Variants in SEL1L3 observed in about 807,000 individuals in gnomAD.
SEL1L3 encodes SEL1L family member 3.
Under a neutral mutation model 142.8 loss-of-function variants are expected in SEL1L3, and 76 were observed. The ratio of observed to expected loss-of-function variants is 0.53; its 90% CI spans 0.44 to 0.64. The LOEUF (loss-of-function observed/expected upper bound fraction) is 0.64. Among genes scored for constraint, SEL1L3 ranks in the 30% least tolerant of loss-of-function variants. SEL1L3 has a pLI of 0.00. For synonymous variants in SEL1L3, 504 were observed against 519.6 expected, an observed-to-expected ratio of 0.97 and a Z score of 0.41; for missense variants, 1,262 against 1,381.7, an observed-to-expected ratio of 0.91 and a Z score of 1.37.
At chr4:25,744,430 C>T (rs947507525), downstream of SEL1L3, among the ~76,000 whole-genome samples, 93 of 145,406 alleles carry the variant, frequency 6.4e-4, no homozygotes, top group African/African-American at 2.2e-3. Context: ...CTCAGCTCAC[C>T]GCAACCTCCA....
At chr4:25,853,967 C>T (rs533763885) in intron 1 of SEL1L3, among the ~76,000 whole-genome samples, 84 of 152,178 alleles carry the variant, frequency 5.5e-4, no homozygotes, top group Non-Finnish European at 7.9e-4. Flanking sequence ...CCACTGCCCC[C>T]GGCCTCTCTT....
chr4:25,847,634 C>A lies in SEL1L3; in HGVS notation c.393G>T (p.Arg131Ser), dbSNP rs1716618367. Residue 131 changes from arginine to serine, a missense_variant, in exon 2 of 24, where the codon AGG (arginine) becomes AGT (serine). This residue lies in a region of SEL1L3 where 689 missense variants were observed against 692.8 expected (regional missense o/e 0.99). Transcript: ENST00000399878. ...FRSSIPVYKK[R>S]WKNEKHLHTS... The stretch of plus-strand genomic sequence containing the variant: ...TGTGAAGATGTTTCTCATTCTTCCA[C>A]CTTTTTTTGTACACGGGAATGCTAC... 1 of 1,613,930 alleles carries A rather than the reference C, an allele frequency of 6.2e-7. No homozygotes were observed. Among genetic ancestry groups the A allele is most frequent in the Middle Eastern group, 1.6e-4 (1 of 6,062 alleles).
chr4:25,722,080 C>T, the SEL1L3 span, among the ~76,000 whole-genome samples: 1 of 152,070 alleles, frequency 6.6e-6, no homozygotes, highest in Non-Finnish European at 1.5e-5. Flanking sequence ...AAAAGTAAAA[C>T]TGAAGTGGTT....
chr4:25,855,709 C>T (rs189461748), intron 1 of SEL1L3, among the ~76,000 whole-genome samples: 22 of 151,926 alleles, frequency 1.4e-4, no homozygotes, highest in African/African-American at 5.1e-4. Context: ...TGCAGTGAGC[C>T]GAGATTGTGC....
the SEL1L3 span, among the ~76,000 whole-genome samples, chr4:25,738,548 T>C: frequency 6.6e-6 from 1 of 152,202 alleles, no homozygotes; most frequent in Non-Finnish European, 1.5e-5. Context: ...TGCAAAAGAT[T>C]ATATTGTGCA....
chr4:25,760,321 T>C (rs901344747), intron 20 of SEL1L3, among the ~76,000 whole-genome samples: 1 of 152,238 alleles, frequency 6.6e-6, no homozygotes, highest in Non-Finnish European at 1.5e-5. Context: ...CAGTCTACCA[T>C]TGATGGGCAT....
chr4:25,716,008 C>T, the SEL1L3 span, among the ~76,000 whole-genome samples: 2 of 152,034 alleles, frequency 1.3e-5, no homozygotes, highest in Admixed American at 6.6e-5. Flanking sequence ...TATGCATTAT[C>T]TTTCAAAAGA....
At chr4:25,726,083 C>T in the SEL1L3 span, among the ~76,000 whole-genome samples, 1 of 152,080 alleles carries the variant, frequency 6.6e-6, no homozygotes, top group South Asian at 2.1e-4. Context: ...AGATGGAGTC[C>T]CCCTGGTTTG....
rs41444052 is a variant in SEL1L3 at position 25,858,231 on chromosome 4, C to T, written c.162+4444G>A. On this transcript the variant is annotated intron_variant, in intron 1 of 23. Transcript: ENST00000399878. ...GCCAGAAGAAATAGAAGGCAAGAGG[C>T]CAACACCATGGCTTGGGAAATTTTA... 2.4e-4 allele frequency among the ~76,000 whole-genome samples: 37 copies of T among 152,330 alleles called. No individual in the cohort carries two copies. The East Asian group carries it at 6.2e-3, about 25-fold the overall frequency.
intron 23 of SEL1L3, 75 bp from the exon 24 acceptor site, chr4:25,748,639 C>T: frequency 6.7e-7 from 1 of 1,489,788 alleles, no homozygotes; most frequent in South Asian, 1.3e-5. Flanking sequence ...CACCTAGAGA[C>T]TCTGGCAAGC....
intron 9 of SEL1L3, among the ~76,000 whole-genome samples, chr4:25,809,880 A>G (rs1357019787): frequency 1.3e-5 from 2 of 152,138 alleles, no homozygotes; most frequent in Non-Finnish European, 2.9e-5. Flanking sequence ...TAACATCTCC[A>G]CTCTCTGCGT....
chr4:25,777,853 G>A, intron 16 of SEL1L3: 1 of 456,212 alleles, frequency 2.2e-6, no homozygotes, highest in Non-Finnish European at 4.4e-6. Flanking sequence ...CAGGGTATCA[G>A]TGTGAGGGTG....
the SEL1L3 span, among the ~76,000 whole-genome samples, chr4:25,726,784 TC>T: frequency 6.6e-6 from 1 of 151,298 alleles, no homozygotes; most frequent in Non-Finnish European, 1.5e-5. Context: ...TACTATTTTT[TC>T]GCCTACATTT....
chr4:25,788,270 G>A lies in SEL1L3; in HGVS notation c.2171C>T (p.Thr724Met), dbSNP rs774884640. 2.4e-5 allele frequency: 38 copies of A among 1,613,804 alleles called. No homozygotes were observed. The highest frequency in any genetic ancestry group is 3.0e-5 in the Non-Finnish European group (35 of 1,179,892). Residue 724 changes from threonine (T) to methionine (M), a missense_variant, in exon 13 of 24, where the codon ACG (threonine) becomes ATG (methionine). This residue lies in a region of SEL1L3 where 435 missense variants were observed against 559.2 expected (regional missense o/e 0.78). Transcript: ENST00000399878. The surrounding 1 kb of genome is among the most constrained non-coding windows in gnomAD (Gnocchi z 5.3). The part of the protein sequence containing the change: ...IEWYAKGALE[T>M]EDPALIYDYA... Reference sequence around the variant, plus strand: ...GTCATAGATTAACGCAGGATCCTCCGTCTCCAGGGCGCCCTTGGCGTACCA... The same window carrying A: ...GTCATAGATTAACGCAGGATCCTCCATCTCCAGGGCGCCCTTGGCGTACCA...
At chr4:25,829,365 A>C (rs1277132100) in intron 6 of SEL1L3, among the ~76,000 whole-genome samples, 1 of 152,266 alleles carries the variant, frequency 6.6e-6, no homozygotes, top group East Asian at 1.9e-4. Flanking sequence ...AGGTATCATT[A>C]GTACAAAATG....
intron 19 of SEL1L3, among the ~76,000 whole-genome samples, chr4:25,766,066 T>C (rs895569749): frequency 1.3e-5 from 2 of 152,220 alleles, no homozygotes; most frequent in Non-Finnish European, 2.9e-5. Flanking sequence ...TTGCTGTTCA[T>C]CTTTGATGTC....
the SEL1L3 span, among the ~76,000 whole-genome samples, chr4:25,738,324 G>C: frequency 6.6e-6 from 1 of 152,154 alleles, no homozygotes; most frequent in Non-Finnish European, 1.5e-5. Flanking sequence ...GGAAAATCCA[G>C]GTTAAGTCCC....
chr4:25,858,926 A>G (rs924307256), intron 1 of SEL1L3, among the ~76,000 whole-genome samples: 9 of 152,140 alleles, frequency 5.9e-5, no homozygotes, highest in Non-Finnish European at 1.0e-4. Context: ...CCTCAGTCTG[A>G]TTGTCTAACA....
chr4:25,862,987 C>A lies in SEL1L3; in HGVS notation c.-151G>T. 2.8e-6 allele frequency: 1 copy of A among 359,436 alleles called. No individual in the cohort carries two copies. The highest frequency in any genetic ancestry group is 3.8e-6 in the Non-Finnish European group (1 of 260,774). The allele number at this position is 359,436 out of a possible 1,614,324, so 22.3% of individuals were successfully genotyped here. ...ACCTCCGGACCCGCCGCCGCCGCCA[C>A]TGCCGCTCCCGCCGTCGCCGCCCCC... On this transcript the variant is annotated 5_prime_UTR_variant, in exon 1 of 24. Coordinates refer to ENST00000399878, the MANE Select transcript of SEL1L3 (RefSeq NM_015187.5).
Sources: allele counts gnomAD v4.1 joint callset (sites outside exome capture counted in the v4.1 genomes callset), GRCh38; gene constraint gnomAD v4.1.1; regional missense constraint gnomAD v4.1.1; non-coding constraint Gnocchi (gnomAD v3.1); transcripts MANE v1.5; gene names NCBI Gene and HGNC (gene_info 2026-07-23, HGNC 2026-07-21).